The following SLF2 variants were observed in gnomAD, a reference collection of about 807,000 sequenced individuals.
The protein encoded by SLF2 is SMC5-SMC6 complex localization factor protein 2.
SLF2 carries 68 observed loss-of-function variants against 124.3 expected under a neutral mutation model. The observed-to-expected ratio is 0.55, with a 90% CI of 0.45 to 0.67. SLF2 has a LOEUF of 0.67. Ranked by LOEUF, SLF2 falls within the 30% of genes least tolerant of loss-of-function variation. The probability of loss-of-function intolerance (pLI) is 0.00; values close to 1 mark genes in which losing one functional copy is unlikely to be tolerated. For missense variants in SLF2, 1,246 were observed against 1,373.7 expected (o/e 0.91, Z 1.47); for synonymous variants, 480 against 478.8 (o/e 1.00, Z -0.03).
rs1564774602 is a variant in SLF2, at chr10:100,929,388, T to C, written c.2114T>C (p.Ile705Thr). ...QGRGIKSPIR[I>T]GEEDSTDDED... is the part of the protein sequence containing the mutation. ...CGAGGCATTAAATCCCCAATCAGAATTGGAGAAGAAGACAGTACAGATGAT... is the reference window on the plus strand; with the variant it reads ...CGAGGCATTAAATCCCCAATCAGAACTGGAGAAGAAGACAGTACAGATGAT... The change falls in exon 7 of 20, where the codon ATT (isoleucine) becomes ACT (threonine). Residue 705 changes from isoleucine (I) to threonine (T), a missense_variant. Coordinates refer to ENST00000238961, the MANE Select transcript of SLF2 (RefSeq NM_018121.4). The C allele has an allele frequency of 1.9e-6, 3 of 1,613,334 alleles. No homozygotes were observed. The highest frequency in any genetic ancestry group is 1.7e-5 in the Admixed American group (1 of 59,990).
At chr10:100,928,733 T>C (rs185998954) in intron 6 of SLF2, among the ~76,000 whole-genome samples, 45 of 152,320 alleles carry the variant, frequency 3.0e-4, no homozygotes, top group Admixed American at 2.9e-3. Context: ...GGTTTTCTTA[T>C]CTATAAAATG....
intron 11 of SLF2, among the ~76,000 whole-genome samples, chr10:100,940,291 C>A (rs1485177597): frequency 1.3e-5 from 2 of 152,192 alleles, no homozygotes; most frequent in African/African-American, 4.8e-5. Flanking sequence ...CAAAAGTGAT[C>A]TGGTGAAGGA....
chr10:100,957,319 A>C (rs11593122), intron 18 of SLF2, among the ~76,000 whole-genome samples: 4 of 145,138 alleles, frequency 2.8e-5, no homozygotes, highest in Non-Finnish European at 6.1e-5. Flanking sequence ...TGTTAAAGGA[A>C]GGAGTCTTCA....
intron 12 of SLF2, 96 bp downstream of exon 12, chr10:100,944,224 G>A (rs3740482): frequency 0.81 from 626,426 of 775,558 alleles, 253,960 homozygotes; most frequent in Admixed American, 0.82. Context: ...GGCCGGGCGC[G>A]GTGGCTCACG....
At chr10:100,919,553 T>A (rs995138005) in intron 4 of SLF2, among the ~76,000 whole-genome samples, 2 of 152,210 alleles carry the variant, frequency 1.3e-5, no homozygotes, top group Non-Finnish European at 2.9e-5. Context: ...TCAGTACATT[T>A]TATCTTTTTT....
intron 13 of SLF2, among the ~76,000 whole-genome samples, chr10:100,946,272 C>G (rs779529546): frequency 1.3e-5 from 2 of 150,944 alleles, no homozygotes; most frequent in African/African-American, 2.4e-5. Context: ...GCAACTGTTA[C>G]GCTTTTTTAA....
At chr10:100,919,239 C>T (rs1849482056) in intron 4 of SLF2, among the ~76,000 whole-genome samples, 1 of 151,980 alleles carries the variant, frequency 6.6e-6, no homozygotes, top group South Asian at 2.1e-4. Flanking sequence ...TCTCGATCTC[C>T]TGACCTCGTG....
In SLF2 at chr10:100,925,952, C is replaced by T. The variant is rs890617965; in HGVS notation, c.1975C>T (p.His659Tyr). ...LRSQSSDYTG[H>Y]VHPGTYTNTL... ...TTTCTAAATGTTCTTGTTTTAGGGA[C>T]ATGTTCATCCTGGAACTTACACAAA... Residue 659 changes from histidine to tyrosine, a missense_variant, in exon 6 of 20, where the codon CAT (histidine) becomes TAT (tyrosine). Physicochemically the swap from His to Tyr is moderately conservative, Grantham distance 83. Coordinates refer to ENST00000238961, the MANE Select transcript of SLF2 (RefSeq NM_018121.4). The T allele has an allele frequency of 6.3e-7, 1 of 1,587,512 alleles. No homozygotes were observed.
At chr10:100,944,450 G>C (rs1276079629) in intron 12 of SLF2, among the ~76,000 whole-genome samples, 3 of 143,322 alleles carry the variant, frequency 2.1e-5, no homozygotes, top group Non-Finnish European at 4.5e-5. Flanking sequence ...AGCCGGGATC[G>C]TGCCACTGCA....
chr10:100,928,045 CCACACA>C lies in SLF2; in HGVS notation c.2043-1254_2043-1249del, dbSNP rs1214543662. On this transcript the variant is annotated intron_variant, in intron 6 of 19. Transcript: ENST00000238961. Reference sequence around the variant, plus strand: ...TTATGATGAACACCCCCCCCCCCCCCCACACACACACACACACACACACGAGAGAGA... The same window carrying C: ...TTATGATGAACACCCCCCCCCCCCCCCACACACACACACACACGAGAGAGA... Among the ~76,000 whole-genome samples, 89 of 13,164 alleles carry C rather than the reference CCACACA, an allele frequency of 6.8e-3. 1 individual carries two copies. Among genetic ancestry groups the C allele is most frequent in the African/African-American group, 0.012 (38 of 3,100 alleles). 8.6% of individuals were successfully genotyped at this position (13,164 alleles called of 152,430 possible).
intron 19 of SLF2, among the ~76,000 whole-genome samples, chr10:100,961,212 G>A (rs945777928): frequency 5.3e-5 from 8 of 151,580 alleles, no homozygotes; most frequent in East Asian, 1.9e-4. Context: ...AGGTTTCACC[G>A]TGTTAGCCAG....
rs527282054 is a variant in SLF2, at chr10:100,951,103, C to T, written c.3330+350C>T. ...TAAAAATACAAAAAAATTAGCCAGGCGTTGTGGCAGGTGCCTGTAATCCCA... is the reference window on the plus strand; with the variant it reads ...TAAAAATACAAAAAAATTAGCCAGGTGTTGTGGCAGGTGCCTGTAATCCCA... On this transcript the variant is annotated intron_variant, in intron 17 of 19. Coordinates refer to ENST00000238961, the MANE Select transcript of SLF2 (RefSeq NM_018121.4). 2.6e-4 allele frequency among the ~76,000 whole-genome samples: 40 copies of T among 152,164 alleles called. 1 individual carries two copies. Among genetic ancestry groups the T allele is most frequent in the African/African-American group, 8.9e-4 (37 of 41,530 alleles).
In SLF2 at chr10:100,947,756, C is replaced by G; in HGVS notation, c.3033-4C>G. On this transcript the variant is annotated splice_polypyrimidine_tract_variant and splice_region_variant and intron_variant, in intron 14 of 19. Coordinates refer to ENST00000238961, the MANE Select transcript of SLF2 (RefSeq NM_018121.4). ...TTCTAAATACTTTTAACTTCTAATT[C>G]TAGGCAACTGAGACAGTGCCTCAGT... 1.3e-6 allele frequency: 2 copies of G among 1,599,306 alleles called. No individual in the cohort carries two copies. Among genetic ancestry groups the G allele is most frequent in the South Asian group, 2.2e-5 (2 of 89,876 alleles).
At position 100,918,455 on chromosome 10, in the gene SLF2, T is replaced by G. The variant is rs144515302; in HGVS notation, c.973+14T>G. 8.1e-3 allele frequency: 12,374 copies of G among 1,532,346 alleles called. 68 individuals are homozygous for G. Among genetic ancestry groups the G allele is most frequent in the Non-Finnish European group, 8.9e-3 (10,073 of 1,130,054 alleles). The allele number at this position is 1,532,346 out of a possible 1,614,324, so 94.9% of individuals were successfully genotyped here. ...AACCTACTTCAGGTAGAATCAAAAT[T>G]AAATTTATGGATTTCTAAATAAATT... On this transcript the variant is annotated intron_variant, in intron 4 of 19. Coordinates refer to ENST00000238961, the MANE Select transcript of SLF2 (RefSeq NM_018121.4).
intron 8 of SLF2, 66 bp from the exon 9 acceptor site, chr10:100,930,910 G>A (rs192813963): frequency 3.4e-6 from 4 of 1,178,410 alleles, no homozygotes; most frequent in Non-Finnish European, 5.1e-6. Flanking sequence ...AGATGTGTTG[G>A]TGGTGATAGT....
chr10:100,938,623 A>G lies in SLF2; in HGVS notation c.2541A>G (p.Pro847=), dbSNP rs774107676. The G allele has an allele frequency of 1.9e-6, 3 of 1,611,646 alleles. No homozygotes were observed. Among genetic ancestry groups the G allele is most frequent in the Non-Finnish European group, 2.5e-6 (3 of 1,179,244 alleles). Reference sequence around the variant, plus strand: ...CCTTCAGTGACTCACCAGTTTGGCCATGGATCCCATCATTGTCTGATGTAG... The same window carrying G: ...CCTTCAGTGACTCACCAGTTTGGCCGTGGATCCCATCATTGTCTGATGTAG... ...NDTFSDSPVW[P]WIPSLSDVAA... Residue 847 remains proline (P), a synonymous_variant, in exon 11 of 20, where the codon CCA becomes CCG. Coordinates refer to ENST00000238961, the MANE Select transcript of SLF2 (RefSeq NM_018121.4).
chr10:100,924,748 T>G lies in SLF2; in HGVS notation c.1747T>G (p.Ser583Ala). ...TAAAGCCCCTTCAGAAGGAGAGAGT[T>G]CAGGAAATTCCAATGCAGGTAGCAG... ...SDKAPSEGES[S>A]GNSNAGSSAL... The change falls in exon 5 of 20, where the codon TCA becomes GCA. Residue 583 changes from serine (S) to alanine (A), a missense_variant. By Grantham distance (99) the Ser-to-Ala change is moderately conservative (BLOSUM62 1). Around this residue, in one of 3 missense-constraint regions of SLF2, gnomAD observed 698 missense variants for 708.9 expected, o/e 0.98. Transcript: ENST00000238961. 6.2e-7 allele frequency: 1 copy of G among 1,614,084 alleles called. No individual in the cohort carries two copies.
In SLF2 at chr10:100,938,695, C is replaced by T. The variant is rs199974864; in HGVS notation, c.2613C>T (p.Pro871=). The T allele has an allele frequency of 6.2e-7, 1 of 1,612,722 alleles. No homozygotes were observed. The highest frequency in any genetic ancestry group is 1.7e-4 in the Middle Eastern group (1 of 6,058). ...GGATTGATTTTAGATCTTTGTTTCC[C>T]CTGGAGAATCTTCAGCCAGACTTTA... ...NMGIDFRSLF[P]LENLQPDFNE... Residue 871 remains proline (P), a synonymous_variant, in exon 11 of 20, where the codon CCC becomes CCT. Transcript: ENST00000238961.
At chr10:100,916,476 A>G in intron 2 of SLF2, 94 bp from the exon 3 acceptor site, 1 of 1,052,828 alleles carries the variant, frequency 9.5e-7, no homozygotes. Context: ...TAACATTAGT[A>G]TAGTTTAATT....
Sources: allele counts gnomAD v4.1 joint callset (sites outside exome capture counted in the v4.1 genomes callset), GRCh38; gene constraint gnomAD v4.1.1; regional missense constraint gnomAD v4.1.1; transcripts MANE v1.5; gene names NCBI Gene and HGNC (gene_info 2026-07-23, HGNC 2026-07-21).